The following ZXDC variants were observed in gnomAD, a reference collection of about 807,000 sequenced individuals.
The protein encoded by ZXDC is zinc finger protein ZXDC.
Under a neutral mutation model 63.6 loss-of-function variants are expected in ZXDC, and 58 were observed. The ratio of observed to expected loss-of-function variants is 0.91; its 90% CI spans 0.74 to 1.13. The LOEUF is 1.13. ZXDC is among the 50% of genes most tolerant of loss of function. The pLI is 0.00. For synonymous variants in ZXDC, 561 were observed against 496.1 expected (o/e 1.13, Z -1.74); for missense variants, 1,133 against 1,148.9 (o/e 0.99, Z 0.20).
chr3:126,473,767 C>T (rs1935070575), intron 1 of ZXDC, among the ~76,000 whole-genome samples: 1 of 152,196 alleles, frequency 6.6e-6, no homozygotes, highest in African/African-American at 2.4e-5. Context: ...ATAAGGAGAG[C>T]CGTGTGCATA....
At chr3:126,443,954 A>G (rs1206677312) in intron 7 of ZXDC, among the ~76,000 whole-genome samples, 2 of 152,246 alleles carry the variant, frequency 1.3e-5, no homozygotes, top group Non-Finnish European at 2.9e-5. Flanking sequence ...TTTCTTCCCC[A>G]GTTAGTTCAT....
In ZXDC at chr3:126,439,725, A is replaced by C. The variant is rs1933605696; in HGVS notation, c.2397T>G (p.Asp799Glu). The change falls in exon 9 of 10, where the codon GAT (aspartate) becomes GAG (glutamate). Residue 799 changes from aspartate to glutamate, a missense_variant and splice_region_variant. Transcript: ENST00000389709. The stretch of plus-strand genomic sequence containing the variant: ...GCAGGACACCTTCGCCGGAGGGGTC[A>C]TCCTGGGAAGGCAACACAGAAAGGC... ...AQGVQVQLVQDDPSGEGVLPS... is the reference protein window; with the variant it reads ...AQGVQVQLVQEDPSGEGVLPS... The C allele has an allele frequency of 6.4e-7, 1 of 1,550,766 alleles. No individual in the cohort carries two copies. Among genetic ancestry groups the C allele is most frequent in the African/African-American group, 1.4e-5 (1 of 73,190 alleles).
At chr3:126,440,544 T>C in intron 8 of ZXDC, 1 of 985,690 alleles carries the variant, frequency 1.0e-6, no homozygotes, top group South Asian at 4.7e-5. Context: ...CCAGCTTCCC[T>C]ACCGTCTCCC....
At chr3:126,439,510 C>CA in intron 9 of ZXDC, 122 bp downstream of exon 9, 2 of 1,514,140 alleles carry the variant, frequency 1.3e-6, no homozygotes, top group Non-Finnish European at 1.8e-6. Flanking sequence ...GCAACCAACC[C>CA]ACTGAGCCTC....
Position 126,441,751 on chromosome 3 carries a change from T to TGGCCAG in ZXDC, c.2394+8_2394+13dup. 1 of 1,568,142 alleles carries TGGCCAG rather than the reference T, an allele frequency of 6.4e-7. No homozygotes were observed. Among genetic ancestry groups the TGGCCAG allele is most frequent in the Non-Finnish European group, 8.6e-7 (1 of 1,160,734 alleles). On this transcript the variant is annotated intron_variant, in intron 8 of 9. Transcript: ENST00000389709. ...CCCGCCTACAGCTGGCCTGTGTGACTGGCCAGCTCTCACCTGCACCAGCTG... is the reference window on the plus strand; with the variant it reads ...CCCGCCTACAGCTGGCCTGTGTGACTGGCCAGGGCCAGCTCTCACCTGCACCAGCTG...
At chr3:126,438,506 G>A in intron 9 of ZXDC, 45 bp from the exon 10 acceptor site, 1 of 1,457,574 alleles carries the variant, frequency 6.9e-7, no homozygotes, top group Non-Finnish European at 9.6e-7. Context: ...GGGAGGGGAG[G>A]CAGAGGGATC....
In ZXDC at chr3:126,475,364, AGGCCTGGGGCGCGCGGCGGGGAGCGGC is replaced by A; in HGVS notation, c.475_501del (p.Ala159_Ala167del). 7.8e-7 allele frequency: 1 copy of A among 1,275,630 alleles called. No homozygotes were observed. Among genetic ancestry groups the A allele is most frequent in the Non-Finnish European group, 9.9e-7 (1 of 1,009,308 alleles). The allele number at this position is 1,275,630 out of a possible 1,614,324, so 79.0% of individuals were successfully genotyped here. ...CGGTAGCCGGGCGTGCTGGGGCCGG[AGGCCTGGGGCGCGCGGCGGGGAGCGGC>A]GGCGCCCGCGGTTGCGGGGCCGGGC... On this transcript the variant is annotated inframe_deletion, in exon 1 of 10. Coordinates refer to ENST00000389709, the MANE Select transcript of ZXDC (RefSeq NM_025112.5).
intron 4 of ZXDC, among the ~76,000 whole-genome samples, chr3:126,468,498 C>G (rs1459161154): frequency 1.3e-5 from 2 of 152,150 alleles, no homozygotes; most frequent in Non-Finnish European, 2.9e-5. Context: ...TCCATCTCCA[C>G]GTGCTGCCCA....
intron 5 of ZXDC, among the ~76,000 whole-genome samples, chr3:126,464,162 C>T (rs960764189): frequency 6.6e-6 from 1 of 152,226 alleles, no homozygotes; most frequent in African/African-American, 2.4e-5. Context: ...TTACTTAGCA[C>T]TTTACTAATT....
At chr3:126,448,175 A>G (rs1194229477) in intron 7 of ZXDC, among the ~76,000 whole-genome samples, 1 of 152,250 alleles carries the variant, frequency 6.6e-6, no homozygotes, top group Non-Finnish European at 1.5e-5. Flanking sequence ...AATAGTTATC[A>G]CACCTTTGTC....
chr3:126,450,470 A>G (rs1397265039), intron 7 of ZXDC: 3 of 456,596 alleles, frequency 6.6e-6, no homozygotes, highest in African/African-American at 4.0e-5. Context: ...TGCATCCTCA[A>G]AGATGCCCTC....
At chr3:126,466,030 C>T (rs1019650823) in intron 5 of ZXDC, 125 bp downstream of exon 5, 11 of 1,153,040 alleles carry the variant, frequency 9.5e-6, no homozygotes, top group Non-Finnish European at 1.2e-5. Context: ...CTTGGCTTGG[C>T]AGCCACGCCC....
At chr3:126,440,848 G>T in intron 8 of ZXDC, 1 of 986,156 alleles carries the variant, frequency 1.0e-6, no homozygotes, top group East Asian at 1.1e-4. Flanking sequence ...TTGCCTCTCT[G>T]AGCCCCAGGC....
intron 7 of ZXDC, among the ~76,000 whole-genome samples, chr3:126,456,750 G>A (rs957769701): frequency 1.3e-5 from 2 of 152,104 alleles, no homozygotes; most frequent in African/African-American, 4.8e-5. Context: ...GCTATTAGAA[G>A]TGAAGGTGGT....
At chr3:126,470,569 ACT>A (rs1194858448) in intron 4 of ZXDC, among the ~76,000 whole-genome samples, 1 of 152,254 alleles carries the variant, frequency 6.6e-6, no homozygotes, top group African/African-American at 2.4e-5. Flanking sequence ...CCTACCATTT[ACT>A]GAGTCCGAGC....
At chr3:126,474,892 G>C in intron 1 of ZXDC, 67 bp downstream of exon 1, 1 of 1,487,104 alleles carries the variant, frequency 6.7e-7, no homozygotes, top group South Asian at 1.3e-5. Flanking sequence ...CCTCTGTGGG[G>C]CGGACGTGGC....
intron 7 of ZXDC, chr3:126,454,051 C>CATAT (rs201861374): frequency 4.3e-6 from 3 of 698,002 alleles, no homozygotes; most frequent in African/African-American, 4.1e-5. Flanking sequence ...TAGTACTACA[C>CATAT]ATATATATAT....
intron 4 of ZXDC, among the ~76,000 whole-genome samples, chr3:126,466,816 C>T (rs1268133890): frequency 6.6e-6 from 1 of 152,148 alleles, no homozygotes; most frequent in East Asian, 1.9e-4. Context: ...GGAGACTGAG[C>T]AGGTGTCCTG....
At chr3:126,444,941 T>C (rs1576662883) in intron 7 of ZXDC, among the ~76,000 whole-genome samples, 1 of 152,222 alleles carries the variant, frequency 6.6e-6, no homozygotes. Context: ...TTATTAACAA[T>C]TTACTTGTAT....
Sources: gnomAD v4.1 joint callset for allele counts (sites outside exome capture counted in the v4.1 genomes callset) on GRCh38, gnomAD v4.1.1 for gene constraint, MANE v1.5 for transcripts, NCBI Gene and HGNC (gene_info 2026-07-23, HGNC 2026-07-21) for gene names.